The following DNAH11 variants were observed in gnomAD, a reference collection of about 807,000 sequenced individuals.
The protein encoded by DNAH11 is axonemal beta dynein heavy chain 11.
Under a neutral mutation model 526.0 loss-of-function variants are expected in DNAH11, and 442 were observed. The ratio of observed to expected loss-of-function variants is 0.84; its 90% CI spans 0.78 to 0.91. The LOEUF is 0.91. DNAH11 is among the 40% of genes least tolerant of loss of function. DNAH11 has a pLI of 0.00. For missense variants in DNAH11, 6,989 were observed against 5,448.7 expected, an observed-to-expected ratio of 1.28 and a Z score of -8.90; for synonymous variants, 2,461 against 1,935.9, an observed-to-expected ratio of 1.27 and a Z score of -7.12.
chr7:21,878,542 G>C (rs1313666434), intron 74 of DNAH11, among the ~76,000 whole-genome samples: 1 of 152,042 alleles, frequency 6.6e-6, no homozygotes, highest in South Asian at 2.1e-4. Context: ...GCCTTCACAA[G>C]CTTGCCCTTT....
intron 54 of DNAH11, among the ~76,000 whole-genome samples, chr7:21,750,892 A>G (rs1191524259): frequency 6.6e-6 from 1 of 152,178 alleles, no homozygotes; most frequent in Non-Finnish European, 1.5e-5. Flanking sequence ...TCTTATAGGG[A>G]GAGTGAGATC....
chr7:21,763,353 A>AAAAAAAAAAG (rs66803559), intron 54 of DNAH11, among the ~76,000 whole-genome samples: 4 of 56,962 alleles, frequency 7.0e-5, no homozygotes, highest in African/African-American at 1.0e-4. Context: ...AAAAAAAAAA[A>AAAAAAAAAAG]AAAGAAAAAA....
chr7:21,670,207 C>T (rs1313975926), intron 30 of DNAH11, among the ~76,000 whole-genome samples: 1 of 152,006 alleles, frequency 6.6e-6, no homozygotes, highest in East Asian at 1.9e-4. Flanking sequence ...TAATTTCTCT[C>T]AGCAATGTTT....
chr7:21,761,508 G>T (rs554975187), intron 54 of DNAH11, among the ~76,000 whole-genome samples: 2 of 152,118 alleles, frequency 1.3e-5, no homozygotes, highest in African/African-American at 2.4e-5. Flanking sequence ...TTTAAGTATT[G>T]CTGTAGACAA....
intron 28 of DNAH11, among the ~76,000 whole-genome samples, chr7:21,646,029 G>T (rs1787341961): frequency 6.6e-6 from 1 of 152,046 alleles, no homozygotes; most frequent in African/African-American, 2.4e-5. Context: ...AGTGGGAAAA[G>T]GTGTTGGCAA....
intron 68 of DNAH11, 65 bp downstream of exon 68, chr7:21,854,520 G>C: frequency 2.1e-6 from 3 of 1,455,032 alleles, no homozygotes; most frequent in Admixed American, 2.1e-5. Context: ...TGGAACATTG[G>C]AATTTATTTT....
intron 66 of DNAH11, among the ~76,000 whole-genome samples, chr7:21,852,224 G>T (rs571287121): frequency 6.6e-6 from 1 of 151,976 alleles, no homozygotes; most frequent in African/African-American, 2.4e-5. Flanking sequence ...GACCAACGTG[G>T]TGAAACCCCG....
chr7:21,873,583 T>C, intron 74 of DNAH11, 82 bp downstream of exon 74: 1 of 1,380,522 alleles, frequency 7.2e-7, no homozygotes, highest in South Asian at 1.2e-5. Context: ...AACCCAGGCA[T>C]GTCATTGAGA....
At chr7:21,897,276 T>G (rs1468827982) in intron 79 of DNAH11, among the ~76,000 whole-genome samples, 1 of 152,150 alleles carries the variant, frequency 6.6e-6, no homozygotes, top group Non-Finnish European at 1.5e-5. Context: ...CCTTCCTGTT[T>G]GTTGGATTTG....
intron 73 of DNAH11, among the ~76,000 whole-genome samples, chr7:21,871,471 C>G (rs1324893057): frequency 6.6e-6 from 1 of 152,176 alleles, no homozygotes; most frequent in Non-Finnish European, 1.5e-5. Flanking sequence ...TTTTCTGTCC[C>G]CTTCAGTGAC....
chr7:21,622,506 T>C (rs948522770), intron 25 of DNAH11, among the ~76,000 whole-genome samples: 22 of 152,112 alleles, frequency 1.4e-4, no homozygotes, highest in Non-Finnish European at 5.9e-5. Context: ...GACCCCGCAT[T>C]GCCAAGTCAA....
chr7:21,543,216 C>T lies in DNAH11; in HGVS notation c.-30C>T, dbSNP rs1490624364. Reference sequence around the variant, plus strand: ...CCAGAGTCTCGGGTGAGGAGCCAGCCGGCCTCGCGTTCCCTCGGACGGTTG... The same window carrying T: ...CCAGAGTCTCGGGTGAGGAGCCAGCTGGCCTCGCGTTCCCTCGGACGGTTG... On this transcript the variant is annotated 5_prime_UTR_variant, in exon 1 of 82. Coordinates refer to ENST00000409508, the MANE Select transcript of DNAH11 (RefSeq NM_001277115.2). 6.7e-7 allele frequency: 1 copy of T among 1,490,408 alleles called. No homozygotes were observed. Among genetic ancestry groups the T allele is most frequent in the Non-Finnish European group, 8.9e-7 (1 of 1,123,320 alleles). The allele number at this position is 1,490,408 out of a possible 1,614,324, so 92.3% of individuals were successfully genotyped here.
At chr7:21,888,607 A>G (rs1213351577) in intron 76 of DNAH11, among the ~76,000 whole-genome samples, 1 of 151,986 alleles carries the variant, frequency 6.6e-6, no homozygotes, top group Non-Finnish European at 1.5e-5. Flanking sequence ...CTCCTGTCTC[A>G]GCCTCCTGAG....
In DNAH11 at chr7:21,568,037, C is replaced by T. The variant is rs553594268; in HGVS notation, c.1195-2032C>T. Among the ~76,000 whole-genome samples, 8 of 152,124 alleles carry T rather than the reference C, an allele frequency of 5.3e-5. No homozygotes were observed. In the South Asian group the frequency reaches 8.3e-4, roughly 16 times the overall value. Reference sequence around the variant, plus strand: ...GAGGAAGAGTTAAAGTCTGAGTAGTCGAGTGTGGAGTGGAGCTGTCAGGAC... The same window carrying T: ...GAGGAAGAGTTAAAGTCTGAGTAGTTGAGTGTGGAGTGGAGCTGTCAGGAC... On this transcript the variant is annotated intron_variant, in intron 6 of 81. Coordinates refer to ENST00000409508, the MANE Select transcript of DNAH11 (RefSeq NM_001277115.2).
At chr7:21,740,497 C>T (rs1043010249) in intron 48 of DNAH11, among the ~76,000 whole-genome samples, 11 of 152,254 alleles carry the variant, frequency 7.2e-5, no homozygotes, top group Non-Finnish European at 1.6e-4. Flanking sequence ...TTGTGGCTGG[C>T]TTATTTCACT....
intron 25 of DNAH11, among the ~76,000 whole-genome samples, chr7:21,623,313 C>G (rs965015470): frequency 2.7e-5 from 4 of 150,548 alleles, no homozygotes; most frequent in East Asian, 3.9e-4. Flanking sequence ...AGTCAGGAAA[C>G]AACAGGTGCT....
At chr7:21,634,409 GAT>G (rs1786760736) in intron 25 of DNAH11, among the ~76,000 whole-genome samples, 1 of 152,194 alleles carries the variant, frequency 6.6e-6, no homozygotes, top group Admixed American at 6.5e-5. Flanking sequence ...CTTGAAACAG[GAT>G]ACTGTAATGT....
intron 60 of DNAH11, among the ~76,000 whole-genome samples, chr7:21,788,294 C>A (rs1361262069): frequency 6.6e-6 from 1 of 152,114 alleles, no homozygotes; most frequent in Non-Finnish European, 1.5e-5. Context: ...CAATTCAATT[C>A]CCAAAGTAAT....
intron 20 of DNAH11, among the ~76,000 whole-genome samples, chr7:21,610,726 C>T (rs61485468): frequency 1.8e-4 from 27 of 151,518 alleles, no homozygotes; most frequent in Non-Finnish European, 3.4e-4. Flanking sequence ...AAAAATACAA[C>T]TCAGCAGATG....
Sources: gnomAD v4.1 joint callset for allele counts (sites outside exome capture counted in the v4.1 genomes callset) on GRCh38, gnomAD v4.1.1 for gene constraint, MANE v1.5 for transcripts, NCBI Gene and HGNC (gene_info 2026-07-23, HGNC 2026-07-21) for gene names.